The following DOCK8 variants were observed in gnomAD, a reference collection of about 807,000 sequenced individuals.
The protein encoded by DOCK8 is dedicator of cytokinesis protein 8.
DOCK8 carries 141 observed loss-of-function variants against 245.6 expected under a neutral mutation model. That is an observed-to-expected ratio of 0.57 (90% CI 0.50 to 0.66). The LOEUF (loss-of-function observed/expected upper bound fraction) is 0.66. Among genes scored for constraint, DOCK8 ranks in the 30% least tolerant of loss-of-function variants. The probability of loss-of-function intolerance (pLI) is 0.00; values close to 1 mark genes in which losing one functional copy is unlikely to be tolerated. For synonymous variants in DOCK8, 1,168 were observed against 970.2 expected, an observed-to-expected ratio of 1.20 and a Z score of -3.79; for missense variants, 2,965 against 2,603.4, an observed-to-expected ratio of 1.14 and a Z score of -3.02.
chr9:223,902 T>A (rs2046935212), intron 1 of DOCK8, among the ~76,000 whole-genome samples: 1 of 152,138 alleles, frequency 6.6e-6, no homozygotes, highest in Non-Finnish European at 1.5e-5. Context: ...TGTGTGTGTA[T>A]ATGCATATCC....
At chr9:347,164 G>A (rs2051930563) in intron 14 of DOCK8, among the ~76,000 whole-genome samples, 1 of 152,092 alleles carries the variant, frequency 6.6e-6, no homozygotes, top group Admixed American at 6.5e-5. Context: ...TCATGGAAGG[G>A]AAGCTTCCAC....
At chr9:400,955 A>ATCGCCCTGC (rs1251449598) in intron 26 of DOCK8, among the ~76,000 whole-genome samples, 1 of 119,744 alleles carries the variant, frequency 8.4e-6, no homozygotes, top group Non-Finnish European at 1.8e-5. Flanking sequence ...CATCACCACC[A>ATCGCCCTGC]CCACCACCAC....
intron 3 of DOCK8, 29 bp from the exon 4 acceptor site, chr9:289,478 TAAC>T: frequency 2.0e-6 from 3 of 1,482,802 alleles, no homozygotes; most frequent in Non-Finnish European, 2.8e-6. Flanking sequence ...TACCCAGTAA[TAAC>T]GTGTTTATTT....
At chr9:218,620 T>A (rs959730854) in intron 1 of DOCK8, among the ~76,000 whole-genome samples, 2 of 152,220 alleles carry the variant, frequency 1.3e-5, no homozygotes, top group Non-Finnish European at 2.9e-5. Flanking sequence ...TTAGTGCCTT[T>A]GTAGATTATA....
Position 289,493 on chromosome 9 carries a change from A to G in DOCK8, c.333-17A>G, listed in dbSNP as rs2048951828. 1 of 1,610,612 alleles carries G rather than the reference A, an allele frequency of 6.2e-7. No homozygotes were observed. Among genetic ancestry groups the G allele is most frequent in the Middle Eastern group, 1.7e-4 (1 of 6,042 alleles). ...TACCCAGTAATAACGTGTTTATTTC[A>G]TTTTCTACCTCATTAGGGTTGAACT... On this transcript the variant is annotated splice_polypyrimidine_tract_variant and intron_variant, in intron 3 of 47. Transcript: ENST00000432829.
Position 439,320 on chromosome 9 carries a change from G to A in DOCK8, c.5155G>A (p.Ala1719Thr), listed in dbSNP as rs144279637. 640 of 1,614,190 alleles carry A rather than the reference G, an allele frequency of 4.0e-4. 1 individual carries two copies. Among genetic ancestry groups the A allele is most frequent in the Non-Finnish European group, 1.8e-4 (208 of 1,180,036 alleles). Residue 1719 changes from alanine (A) to threonine (T), a missense_variant, in exon 40 of 48, where the codon GCA (alanine) becomes ACA (threonine). Transcript: ENST00000432829. Reference protein sequence around the residue: ...TLSPDEDGVCAGQYFTESGLV... With the variant: ...TLSPDEDGVCTGQYFTESGLV... ...GTCACCTGACGAGGATGGGGTGTGC[G>A]CAGGCCAGTACTTCACCGAGAGTGG...
chr9:215,069 G>A (rs765946404), intron 1 of DOCK8, 40 bp downstream of exon 1: 4 of 1,545,948 alleles, frequency 2.6e-6, no homozygotes, highest in Non-Finnish European at 3.5e-6. Flanking sequence ...CGGCCGGACA[G>A]CCCAGCGCTG....
At chr9:290,356 A>G (rs2048988038) in intron 4 of DOCK8, among the ~76,000 whole-genome samples, 3 of 152,078 alleles carry the variant, frequency 2.0e-5, no homozygotes, top group Admixed American at 2.0e-4. Context: ...TTCTTCTTCC[A>G]GTATGGCCCA....
upstream of DOCK8, chr9:213,252 C>T (rs2046650225): frequency 6.6e-6 from 1 of 152,084 alleles, no homozygotes; most frequent in South Asian, 2.1e-4. Context: ...CTAACCAGTA[C>T]TGAAAAGTTA....
chr9:424,014 G>T (rs1022361625), intron 33 of DOCK8, among the ~76,000 whole-genome samples: 10 of 151,468 alleles, frequency 6.6e-5, no homozygotes, highest in Admixed American at 2.0e-4. Context: ...TGGGCTGCTG[G>T]TTGTCAGAGC....
At chr9:454,126 T>C (rs1020367444) in intron 46 of DOCK8, among the ~76,000 whole-genome samples, 2 of 152,162 alleles carry the variant, frequency 1.3e-5, no homozygotes, top group African/African-American at 4.8e-5. Context: ...GGAGGCGTTA[T>C]GGAAAAACAC....
upstream of DOCK8, chr9:214,796 G>A (rs1179065049): frequency 1.9e-6 from 3 of 1,578,124 alleles, no homozygotes; most frequent in Non-Finnish European, 1.7e-6. Flanking sequence ...TCGCTGCTCC[G>A]AGCTCGGACC....
At chr9:270,162 C>T (rs555714189) in intron 1 of DOCK8, among the ~76,000 whole-genome samples, 2 of 152,302 alleles carry the variant, frequency 1.3e-5, no homozygotes, top group South Asian at 4.1e-4. Flanking sequence ...CCTAGTTTTT[C>T]CTTATACTTT....
chr9:390,139 C>G (rs58760623), intron 23 of DOCK8, among the ~76,000 whole-genome samples: 11,905 of 152,092 alleles, frequency 0.078, 1,531 homozygotes, highest in African/African-American at 0.27. Context: ...CAGCAGGACC[C>G]AAGAGGAAAG....
intron 21 of DOCK8, 37 bp from the exon 22 acceptor site, chr9:382,476 C>G (rs770770238): frequency 1.2e-6 from 2 of 1,612,414 alleles, no homozygotes; most frequent in East Asian, 4.5e-5. Flanking sequence ...ACTCTGTTCC[C>G]CTGTCTGTTG....
At chr9:338,955 A>G (rs773212734) in intron 12 of DOCK8, 51 bp from the exon 13 acceptor site, 2 of 1,516,966 alleles carry the variant, frequency 1.3e-6, no homozygotes, top group Non-Finnish European at 1.8e-6. Flanking sequence ...TTTGTCCCCA[A>G]CCCAAGAGTC....
At chr9:233,852 A>G (rs1452492801) in intron 1 of DOCK8, among the ~76,000 whole-genome samples, 1 of 151,934 alleles carries the variant, frequency 6.6e-6, no homozygotes, top group African/African-American at 2.4e-5. Flanking sequence ...TCTTTATCCA[A>G]TTTGCCAGTC....
chr9:409,022 A>T (rs1483761440), intron 28 of DOCK8, among the ~76,000 whole-genome samples: 1 of 152,158 alleles, frequency 6.6e-6, no homozygotes, highest in African/African-American at 2.4e-5. Flanking sequence ...AAGTCATTAG[A>T]TACACTGTCA....
chr9:353,683 A>G (rs557334380), intron 14 of DOCK8, among the ~76,000 whole-genome samples: 96 of 152,324 alleles, frequency 6.3e-4, no homozygotes, highest in Non-Finnish European at 8.5e-4. Flanking sequence ...CTCAAAAAAA[A>G]AGAAAAATAC....
Sources: allele counts gnomAD v4.1 joint callset (sites outside exome capture counted in the v4.1 genomes callset), GRCh38; gene constraint gnomAD v4.1.1; transcripts MANE v1.5; gene names NCBI Gene and HGNC (gene_info 2026-07-23, HGNC 2026-07-21).